GPATCH2L: variants seen among roughly 807,000 people sequenced by gnomAD.
GPATCH2L encodes G-patch domain containing 2 like, also known as G patch domain-containing protein 2-like.
A neutral mutation model predicts 57.4 loss-of-function variants in GPATCH2L; 31 were observed. That is an observed-to-expected ratio of 0.54 (90% CI 0.41 to 0.73). The LOEUF is 0.73. GPATCH2L is among the 30% of genes least tolerant of loss of function. The pLI is 0.00. For synonymous variants in GPATCH2L, 199 were observed against 210.7 expected, an observed-to-expected ratio of 0.94 and a Z score of 0.48; for missense variants, 481 against 599.9, an observed-to-expected ratio of 0.80 and a Z score of 2.07.
At position 76,222,891 on chromosome 14, in the gene GPATCH2L, G is replaced by T. The variant is rs1193056632; in HGVS notation, c.66-6917G>T. 3.3e-5 allele frequency among the ~76,000 whole-genome samples: 5 copies of T among 150,152 alleles called. No individual in the cohort carries two copies. The East Asian group carries it at 9.8e-4, about 29-fold the overall frequency. ...GAATCGCTTGAACCTAGGAGGTGAA[G>T]ATTGCAGTGAGCCGAGATCGCACCA... On this transcript the variant is annotated intron_variant and NMD_transcript_variant, in intron 1 of 3. Transcript: ENST00000556372.
intron 2 of GPATCH2L, among the ~76,000 whole-genome samples, chr14:76,155,456 A>G (rs2038263327): frequency 6.6e-6 from 1 of 152,222 alleles, no homozygotes; most frequent in Non-Finnish European, 1.5e-5. Flanking sequence ...GCCTGTCCTC[A>G]TTAAGAATCA....
At chr14:76,159,740 C>G (rs2038484751) in intron 2 of GPATCH2L, among the ~76,000 whole-genome samples, 1 of 152,156 alleles carries the variant, frequency 6.6e-6, no homozygotes. Flanking sequence ...ACTCAATACC[C>G]TATAACTGCT....
In GPATCH2L at chr14:76,171,708, G is replaced by A. The variant is rs181387894; in HGVS notation, c.728-135G>A. The A allele has an allele frequency of 9.9e-6, 6 of 607,752 alleles. No individual in the cohort carries two copies. In the Admixed American group the frequency reaches 1.2e-4, roughly 12 times the overall value. 37.6% of individuals were successfully genotyped at this position (607,752 alleles called of 1,614,324 possible). A position where few individuals can be genotyped will look rare whatever the true frequency, so the allele number is the denominator to read the frequency against. On this transcript the variant is annotated intron_variant, in intron 3 of 9. Transcript: ENST00000261530. Reference sequence around the variant, plus strand: ...ACTGCATTCCAGCCTGGGTGACAGAGCAAGACTCTGTCTCAAAAAGGAAAA... The same window carrying A: ...ACTGCATTCCAGCCTGGGTGACAGAACAAGACTCTGTCTCAAAAAGGAAAA...
chr14:76,196,269 A>G (rs2040147592), intron 9 of GPATCH2L: 3 of 609,024 alleles, frequency 4.9e-6, no homozygotes, highest in Admixed American at 2.9e-5. Flanking sequence ...CATGTTAATG[A>G]AAGTCCAGGT....
chr14:76,166,595 A>G, intron 2 of GPATCH2L, 68 bp from the exon 3 acceptor site: 1 of 1,044,650 alleles, frequency 9.6e-7, no homozygotes, highest in Non-Finnish European at 1.5e-6. Context: ...TGAAAACCAA[A>G]ATAAGTGTAC....
intron 7 of GPATCH2L, chr14:76,178,387 C>A: frequency 7.8e-6 from 4 of 512,524 alleles, no homozygotes; most frequent in Non-Finnish European, 1.2e-5. Flanking sequence ...CTTATGTCAC[C>A]AGGAACCATT....
chr14:76,223,537 A>T (rs2040524372), intron 1 of GPATCH2L, among the ~76,000 whole-genome samples: 1 of 152,248 alleles, frequency 6.6e-6, no homozygotes, highest in Non-Finnish European at 1.5e-5. Context: ...GGTTTATTAG[A>T]TATGACACCA....
intron 2 of GPATCH2L, among the ~76,000 whole-genome samples, chr14:76,160,960 C>T (rs1290142714): frequency 6.6e-6 from 1 of 152,180 alleles, no homozygotes; most frequent in African/African-American, 2.4e-5. Flanking sequence ...ACCTGTCAAC[C>T]TGCGGAGGTT....
chr14:76,215,469 A>G (rs1209493348), downstream of GPATCH2L, among the ~76,000 whole-genome samples: 5 of 151,752 alleles, frequency 3.3e-5, no homozygotes, highest in African/African-American at 1.2e-4. Flanking sequence ...ATACACACGT[A>G]TGTTTATTGC....
chr14:76,229,490 C>G (rs1002614073), intron 1 of GPATCH2L, among the ~76,000 whole-genome samples: 1 of 152,138 alleles, frequency 6.6e-6, no homozygotes. Context: ...TTTTCTTGTA[C>G]TTTACCAAAA....
At chr14:76,221,662 C>T (rs2040515874) in intron 1 of GPATCH2L, among the ~76,000 whole-genome samples, 1 of 152,134 alleles carries the variant, frequency 6.6e-6, no homozygotes, top group African/African-American at 2.4e-5. Context: ...AAGAAATGAT[C>T]TATCCAGCCA....
chr14:76,183,496 TTTAAA>T (rs1212982284), intron 8 of GPATCH2L, among the ~76,000 whole-genome samples: 1 of 152,254 alleles, frequency 6.6e-6, no homozygotes, highest in African/African-American at 2.4e-5. Context: ...TTTTTTTTGT[TTTAAA>T]TTATACATAT....
chr14:76,194,983 TAA>T (rs556084441), intron 8 of GPATCH2L, among the ~76,000 whole-genome samples: 5 of 152,122 alleles, frequency 3.3e-5, no homozygotes, highest in Non-Finnish European at 7.4e-5. Context: ...TCAAAGAGAT[TAA>T]GCCTTCTTGT....
intron 2 of GPATCH2L, among the ~76,000 whole-genome samples, chr14:76,157,033 T>G (rs1054690724): frequency 6.6e-6 from 1 of 152,234 alleles, no homozygotes; most frequent in African/African-American, 2.4e-5. Context: ...TTTGGGCTAT[T>G]ATCCTGGCCC....
At chr14:76,172,976 A>G (rs7151966) in intron 4 of GPATCH2L, among the ~76,000 whole-genome samples, 18,045 of 152,188 alleles carry the variant, frequency 0.12, 1,095 homozygotes, top group Admixed American at 0.15. Context: ...AATATATACA[A>G]ACAAGCAAGA....
intron 5 of GPATCH2L, chr14:76,175,853 A>G (rs896076166): frequency 6.6e-6 from 1 of 152,156 alleles, no homozygotes; most frequent in Non-Finnish European, 1.5e-5. Flanking sequence ...TGTTCTCTCA[A>G]CACAACAGTT....
chr14:76,166,736 G>A lies in GPATCH2L; in HGVS notation c.727+9G>A, dbSNP rs371696590. The A allele has an allele frequency of 1.9e-5, 30 of 1,583,786 alleles. No individual in the cohort carries two copies. Among genetic ancestry groups the A allele is most frequent in the East Asian group, 4.5e-5 (2 of 44,724 alleles). ...TGATGAAGGGCGACAAGGTAATGTC[G>A]ATCCCAGCTTTGGGACCTTGGTTCC... On this transcript the variant is annotated intron_variant, in intron 3 of 9. Coordinates refer to ENST00000261530, the MANE Select transcript of GPATCH2L (RefSeq NM_017926.4).
intron 6 of GPATCH2L, 85 bp from the exon 7 acceptor site, chr14:76,177,903 C>CATCA: frequency 6.3e-7 from 1 of 1,593,786 alleles, no homozygotes; most frequent in Non-Finnish European, 8.6e-7. Flanking sequence ...TTCTGGTTAC[C>CATCA]ATCAGCTGGG....
chr14:76,228,113 C>T (rs537194371), intron 1 of GPATCH2L, among the ~76,000 whole-genome samples: 40 of 152,354 alleles, frequency 2.6e-4, no homozygotes, highest in African/African-American at 8.4e-4. Flanking sequence ...GCTAACAAGA[C>T]GGCTTGTCTG....
Sources: allele counts gnomAD v4.1 joint callset (sites outside exome capture counted in the v4.1 genomes callset), GRCh38; gene constraint gnomAD v4.1.1; transcripts MANE v1.5; gene names NCBI Gene and HGNC (gene_info 2026-07-23, HGNC 2026-07-21).